The following NALF1 variants were observed in gnomAD, a reference collection of about 807,000 sequenced individuals.
NALF1 encodes the protein NALCN channel auxiliary factor 1.
A neutral mutation model predicts 48.4 loss-of-function variants in NALF1; 3 were observed. The ratio of observed to expected loss-of-function variants is 0.06; its 90% CI spans 0.03 to 0.16. The LOEUF is 0.16. Among genes scored for constraint, NALF1 ranks in the 10% least tolerant of loss-of-function variants. The pLI, the probability that NALF1 is intolerant of heterozygous loss-of-function variation, is 1.00. For missense variants in NALF1, 526 were observed against 571.5 expected (o/e 0.92, Z 0.81); for synonymous variants, 262 against 245.7 (o/e 1.07, Z -0.62).
At chr13:107,683,928 G>C (rs1252192499) in intron 1 of NALF1, among the ~76,000 whole-genome samples, 1 of 152,202 alleles carries the variant, frequency 6.6e-6, no homozygotes, top group African/African-American at 2.4e-5. Context: ...CAGATCTCCT[G>C]CAGGAAAAGT....
intron 1 of NALF1, among the ~76,000 whole-genome samples, chr13:107,383,426 C>G (rs184611325): frequency 6.6e-6 from 1 of 152,128 alleles, no homozygotes; most frequent in Non-Finnish European, 1.5e-5. Flanking sequence ...GAATTTAACA[C>G]AGTTATTCAA....
At chr13:107,703,470 C>T (rs935327745) in intron 1 of NALF1, among the ~76,000 whole-genome samples, 2 of 151,346 alleles carry the variant, frequency 1.3e-5, no homozygotes, top group African/African-American at 2.4e-5. Context: ...CTCAGCCTCC[C>T]GAGTAGCTGG....
chr13:107,701,104 A>G (rs1201115111), intron 1 of NALF1, among the ~76,000 whole-genome samples: 1 of 152,128 alleles, frequency 6.6e-6, no homozygotes, highest in Non-Finnish European at 1.5e-5. Context: ...AAATAAAACT[A>G]CCATATAACT....
At chr13:107,316,733 G>T (rs1882157943) in intron 1 of NALF1, among the ~76,000 whole-genome samples, 1 of 151,556 alleles carries the variant, frequency 6.6e-6, no homozygotes, top group Non-Finnish European at 1.5e-5. Flanking sequence ...TTGCCCACTT[G>T]TTGATGGGGT....
chr13:107,835,034 C>A (rs560359237), intron 1 of NALF1, among the ~76,000 whole-genome samples: 1 of 152,320 alleles, frequency 6.6e-6, no homozygotes, highest in South Asian at 2.1e-4. Context: ...TTAATACTTG[C>A]CTTTCTCTTC....
Position 107,168,064 on chromosome 13 carries a change from A to C in NALF1, c.*2433T>G, listed in dbSNP as rs1379474850. The C allele has an allele frequency of 6.6e-6, 1 of 152,348 alleles. No individual in the cohort carries two copies. The highest frequency in any genetic ancestry group is 1.5e-5 in the Non-Finnish European group (1 of 68,056). 9.4% of individuals were successfully genotyped at this position (152,348 alleles called of 1,614,324 possible). A position where few individuals can be genotyped will look rare whatever the true frequency, so the allele number is the denominator to read the frequency against. ...TTGTCATTTTCCTGCAAGAATGGAA[A>C]CGCCTATGGCACGGGGAGAAGCAGC... On this transcript the variant is annotated 3_prime_UTR_variant, in exon 3 of 3. Coordinates refer to ENST00000375915, the MANE Select transcript of NALF1 (RefSeq NM_001080396.3).
At chr13:107,648,521 C>A (rs1300996352) in intron 1 of NALF1, among the ~76,000 whole-genome samples, 5 of 152,074 alleles carry the variant, frequency 3.3e-5, no homozygotes, top group African/African-American at 1.2e-4. Flanking sequence ...TAACTCATTT[C>A]TTTTGAGCCC....
At chr13:107,655,400 T>C (rs1880550719) in intron 1 of NALF1, among the ~76,000 whole-genome samples, 1 of 152,030 alleles carries the variant, frequency 6.6e-6, no homozygotes, top group African/African-American at 2.4e-5. Context: ...TTCAACCCCT[T>C]TCCAAATAGC....
chr13:107,415,906 T>A (rs2139004541), intron 1 of NALF1, among the ~76,000 whole-genome samples: 1 of 152,346 alleles, frequency 6.6e-6, no homozygotes, highest in African/African-American at 2.4e-5. Context: ...ATGTAAGACC[T>A]TCTGCTCGAT....
At chr13:107,367,706 TACA>T (rs1471235400) in intron 1 of NALF1, among the ~76,000 whole-genome samples, 3 of 152,102 alleles carry the variant, frequency 2.0e-5, no homozygotes, top group African/African-American at 7.2e-5. Context: ...TGCAAAATAA[TACA>T]ACATTTCATT....
chr13:107,575,235 A>T (rs1878104888), intron 1 of NALF1, among the ~76,000 whole-genome samples: 1 of 152,174 alleles, frequency 6.6e-6, no homozygotes, highest in African/African-American at 2.4e-5. Context: ...AAACTGGTAG[A>T]GTTCAGGGGA....
intron 1 of NALF1, among the ~76,000 whole-genome samples, chr13:107,559,246 T>C (rs924883155): frequency 1.3e-5 from 2 of 152,138 alleles, no homozygotes; most frequent in Non-Finnish European, 2.9e-5. Flanking sequence ...TCCCAAAGTT[T>C]GCATGGTATA....
intron 1 of NALF1, among the ~76,000 whole-genome samples, chr13:107,260,422 G>A (rs536031663): frequency 6.6e-6 from 1 of 152,218 alleles, no homozygotes; most frequent in Non-Finnish European, 1.5e-5. Context: ...AGTCAGGTAA[G>A]ATTATTTGAT....
intron 1 of NALF1, among the ~76,000 whole-genome samples, chr13:107,453,689 T>C (rs1318594677): frequency 1.3e-5 from 2 of 152,256 alleles, no homozygotes; most frequent in African/African-American, 2.4e-5. Context: ...TGCAGCCAGC[T>C]TGGATTTCTC....
Position 107,537,143 on chromosome 13 carries a change from T to C in NALF1, c.916-326388A>G, listed in dbSNP as rs1050459699. Among the ~76,000 whole-genome samples, 7 of 152,184 alleles carry C rather than the reference T, an allele frequency of 4.6e-5. No homozygotes were observed. The South Asian group carries it at 8.3e-4, about 18-fold the overall frequency. On this transcript the variant is annotated intron_variant, in intron 1 of 2. Transcript: ENST00000375915. ...ATACCTAATGTAAATGACGAGTTAATGGGTGCAGCACACCAACATGGCACA... is the reference window on the plus strand; with the variant it reads ...ATACCTAATGTAAATGACGAGTTAACGGGTGCAGCACACCAACATGGCACA...
At chr13:107,350,651 G>A (rs184278216) in intron 1 of NALF1, among the ~76,000 whole-genome samples, 5 of 152,316 alleles carry the variant, frequency 3.3e-5, no homozygotes, top group African/African-American at 1.2e-4. Flanking sequence ...CATTGAGGTA[G>A]AATGATTCTA....
chr13:107,393,354 C>T (rs1432900878), intron 1 of NALF1, among the ~76,000 whole-genome samples: 1 of 152,050 alleles, frequency 6.6e-6, no homozygotes, highest in African/African-American at 2.4e-5. Flanking sequence ...TCTAGGTCAT[C>T]CAGTTTAGTC....
intron 1 of NALF1, among the ~76,000 whole-genome samples, chr13:107,284,798 G>C (rs1462553406): frequency 1.1e-4 from 16 of 152,164 alleles, no homozygotes; most frequent in Admixed American, 9.2e-4. Context: ...CTGCCTACGT[G>C]CCAGAAGGGG....
chr13:107,210,479 T>A (rs1879737968), intron 2 of NALF1, 105 bp downstream of exon 2: 1 of 794,496 alleles, frequency 1.3e-6, no homozygotes, highest in South Asian at 1.7e-5. Context: ...ACCAGCCGCA[T>A]CTTCAAGGTT....
Sources: gnomAD v4.1 joint callset for allele counts (sites outside exome capture counted in the v4.1 genomes callset) on GRCh38, gnomAD v4.1.1 for gene constraint, MANE v1.5 for transcripts, NCBI Gene and HGNC (gene_info 2026-07-23, HGNC 2026-07-21) for gene names.